The following TTK variants were observed in gnomAD, a reference collection of about 807,000 sequenced individuals.
TTK encodes the protein TTK protein kinase.
Under a neutral mutation model 117.3 loss-of-function variants are expected in TTK, and 59 were observed. The ratio of observed to expected loss-of-function variants is 0.50; its 90% confidence interval spans 0.41 to 0.62. TTK has a LOEUF of 0.62. Ranked by LOEUF, TTK falls within the 20% of genes least tolerant of loss-of-function variation. TTK has a pLI of 0.00. For missense variants in TTK, 921 were observed against 989.4 expected, an observed-to-expected ratio of 0.93 and a Z score of 0.93; for synonymous variants, 302 against 325.0, an observed-to-expected ratio of 0.93 and a Z score of 0.76.
intron 14 of TTK, among the ~76,000 whole-genome samples, chr6:80,033,648 C>T (rs1582110949): frequency 1.3e-5 from 2 of 152,166 alleles, no homozygotes. Flanking sequence ...ACACATTAAA[C>T]AGACATTGTT....
In TTK at chr6:80,042,116, C is replaced by A; in HGVS notation, c.2491-3C>A. The A allele has an allele frequency of 6.5e-7, 1 of 1,538,124 alleles. No homozygotes were observed. Among genetic ancestry groups the A allele is most frequent in the Non-Finnish European group, 8.8e-7 (1 of 1,139,572 alleles). Reference sequence around the variant, plus strand: ...AAAACAGATTTGTGTTTTTTAATTTCAGACTTTATATGAACACTATAGTGG... The same window carrying A: ...AAAACAGATTTGTGTTTTTTAATTTAAGACTTTATATGAACACTATAGTGG... On this transcript the variant is annotated splice_polypyrimidine_tract_variant and splice_region_variant and intron_variant, in intron 21 of 21. Coordinates refer to ENST00000369798, the MANE Select transcript of TTK (RefSeq NM_003318.5).
chr6:80,022,514 A>C (rs1295267056), intron 11 of TTK, 42 bp downstream of exon 11: 2 of 1,592,532 alleles, frequency 1.3e-6, no homozygotes, highest in South Asian at 2.3e-5. Flanking sequence ...TTTTGTTCAT[A>C]ATGCATTTCC....
chr6:80,019,884 A>G (rs898287035), intron 10 of TTK, among the ~76,000 whole-genome samples: 1 of 152,208 alleles, frequency 6.6e-6, no homozygotes, highest in African/African-American at 2.4e-5. Context: ...ACAAAAATGT[A>G]TGCTGATAAT....
chr6:80,036,243 C>A (rs1045943980), intron 16 of TTK, among the ~76,000 whole-genome samples: 4 of 152,112 alleles, frequency 2.6e-5, no homozygotes, highest in African/African-American at 9.7e-5. Context: ...GATGATAATA[C>A]TTCAGCATTG....
rs772506180 is a variant in TTK, at chr6:80,022,477, C to A, written c.1257+5C>A. On this transcript the variant is annotated splice_donor_5th_base_variant and intron_variant, in intron 11 of 21. Coordinates refer to ENST00000369798, the MANE Select transcript of TTK (RefSeq NM_003318.5). ...GCCCGAAAAGTTAATACAGAGGTAACTTTTCCACTAAAGTACAATATTGCT... is the reference window on the plus strand; with the variant it reads ...GCCCGAAAAGTTAATACAGAGGTAAATTTTCCACTAAAGTACAATATTGCT... 1.9e-6 allele frequency: 3 copies of A among 1,611,488 alleles called. No individual in the cohort carries two copies. Among genetic ancestry groups the A allele is most frequent in the Admixed American group, 1.7e-5 (1 of 59,496 alleles).
chr6:80,010,759 C>T (rs1163724310), intron 4 of TTK, 55 bp from the exon 5 acceptor site: 5 of 883,436 alleles, frequency 5.7e-6, no homozygotes, highest in Admixed American at 3.9e-5. Flanking sequence ...TCTGGGTGGT[C>T]TGGGTGGTGG....
intron 13 of TTK, among the ~76,000 whole-genome samples, chr6:80,030,929 C>A (rs1254824326): frequency 6.6e-6 from 1 of 150,904 alleles, no homozygotes; most frequent in Non-Finnish European, 1.5e-5. Flanking sequence ...GCCTGTAATC[C>A]CAGCTACTCG....
At chr6:80,028,351 T>C (rs1767663958) in intron 13 of TTK, among the ~76,000 whole-genome samples, 1 of 152,024 alleles carries the variant, frequency 6.6e-6, no homozygotes, top group Admixed American at 6.6e-5. Flanking sequence ...AGAGTCTCGC[T>C]CTATTGCCCA....
In TTK at chr6:80,039,689, T is replaced by G. The variant is rs556808456; in HGVS notation, c.2131-7T>G. On this transcript the variant is annotated splice_polypyrimidine_tract_variant and splice_region_variant and intron_variant, in intron 18 of 21. Coordinates refer to ENST00000369798, the MANE Select transcript of TTK (RefSeq NM_003318.5). ...AACTTTTTTGTGTTTGTTTGTTTTT[T>G]TCTTAGATAAGCCCCAAAAGTGATG... 7 of 1,490,050 alleles carry G rather than the reference T, an allele frequency of 4.7e-6. No individual in the cohort carries two copies. The East Asian group carries it at 1.0e-4, about 22-fold the overall frequency. 92.3% of individuals were successfully genotyped at this position (1,490,050 alleles called of 1,614,324 possible). A position where few individuals can be genotyped will look rare whatever the true frequency, so the allele number is the denominator to read the frequency against.
intron 10 of TTK, among the ~76,000 whole-genome samples, chr6:80,018,613 C>G (rs112969667): frequency 7.3e-5 from 10 of 136,058 alleles, no homozygotes; most frequent in Non-Finnish European, 1.5e-4. Flanking sequence ...GGCAATAGAG[C>G]GAGACTCCGT....
intron 14 of TTK, 64 bp downstream of exon 14, chr6:80,031,623 T>A: frequency 7.9e-7 from 1 of 1,273,188 alleles, no homozygotes; most frequent in South Asian, 1.6e-5. Context: ...TTTTTTGTCT[T>A]TTTACCTGTG....
intron 11 of TTK, among the ~76,000 whole-genome samples, chr6:80,024,758 G>T (rs1224585093): frequency 6.6e-6 from 1 of 152,140 alleles, no homozygotes; most frequent in Non-Finnish European, 1.5e-5. Context: ...ATAGAATCTA[G>T]GCAGTTTCTT....
intron 18 of TTK, among the ~76,000 whole-genome samples, chr6:80,038,770 C>T (rs1423691449): frequency 6.6e-6 from 1 of 151,992 alleles, no homozygotes; most frequent in Non-Finnish European, 1.5e-5. Context: ...ATTTGTTTAG[C>T]CTCCACTCTT....
chr6:80,026,556 A>G, intron 12 of TTK, 42 bp downstream of exon 12: 1 of 1,609,550 alleles, frequency 6.2e-7, no homozygotes, highest in African/African-American at 1.3e-5. Flanking sequence ...GGGTGGTATG[A>G]TAGAATTAAC....
intron 10 of TTK, among the ~76,000 whole-genome samples, chr6:80,018,067 C>T (rs1767357341): frequency 6.6e-6 from 1 of 151,662 alleles, no homozygotes; most frequent in South Asian, 2.1e-4. Flanking sequence ...CCCAGCTATG[C>T]AGGAGGCTGA....
chr6:80,042,185 AAAAG>A lies in TTK; in HGVS notation c.2558_2561del (p.Lys853ArgfsTer39). 1 of 1,601,784 alleles carries A rather than the reference AAAAG, an allele frequency of 6.2e-7. No homozygotes were observed. The highest frequency in any genetic ancestry group is 8.5e-7 in the Non-Finnish European group (1 of 1,172,108). ...TTCATCCTCCAAGACTTTTGAAAAA[AAAAG>A]GGGAAAAAAATGATTTGCAGTTATT... is the stretch of plus-strand genomic sequence containing the variant. On this transcript the variant is annotated frameshift_variant, in exon 22 of 22. Transcript: ENST00000369798. LOFTEE classifies it high-confidence loss of function.
At chr6:80,018,131 C>T (rs1046693818) in intron 10 of TTK, among the ~76,000 whole-genome samples, 2 of 151,422 alleles carry the variant, frequency 1.3e-5, no homozygotes, top group Admixed American at 1.3e-4. Flanking sequence ...GCCATGATCA[C>T]ATGATCATGC....
In TTK at chr6:80,004,674, G is replaced by A. The variant is rs1480418284; in HGVS notation, c.-42G>A. On this transcript the variant is annotated 5_prime_UTR_variant, in exon 1 of 22. Transcript: ENST00000369798. ...CAAACGTGTTTGCGGAAAGGAGTTT[G>A]GGTTCCATCTTTTCATTTCCCCAGC... 1 of 152,282 alleles carries A rather than the reference G, an allele frequency of 6.6e-6. No individual in the cohort carries two copies. Among genetic ancestry groups the A allele is most frequent in the Non-Finnish European group, 1.5e-5 (1 of 68,082 alleles). The allele number at this position is 152,282 out of a possible 1,614,324, so 9.4% of individuals were successfully genotyped here.
At chr6:80,006,128 G>A in intron 2 of TTK, 146 bp downstream of exon 2, 2 of 1,023,050 alleles carry the variant, frequency 2.0e-6, no homozygotes, top group Non-Finnish European at 2.9e-6. Context: ...TGATGGCAGG[G>A]TTTTTGTCTG....
Sources: allele counts gnomAD v4.1 joint callset (sites outside exome capture counted in the v4.1 genomes callset), GRCh38; gene constraint gnomAD v4.1.1; transcripts MANE v1.5; gene names NCBI Gene and HGNC (gene_info 2026-07-23, HGNC 2026-07-21).